TMEM98: variants seen among roughly 807,000 people sequenced by gnomAD.
TMEM98 encodes transmembrane protein 98.
Under a neutral mutation model 25.0 loss-of-function variants are expected in TMEM98, and 18 were observed. That is an observed-to-expected ratio of 0.72 (90% confidence interval 0.50 to 1.07). TMEM98 has a LOEUF of 1.07. Ranked by LOEUF, TMEM98 falls within the 50% of genes least tolerant of loss-of-function variation. The pLI is 0.00. For missense variants in TMEM98, 241 were observed against 289.0 expected (o/e 0.83, Z 1.20); for synonymous variants, 103 against 112.4 (o/e 0.92, Z 0.53).
intron 5 of TMEM98, among the ~76,000 whole-genome samples, chr17:32,935,786 G>A (rs2091492926): frequency 6.6e-6 from 1 of 152,178 alleles, no homozygotes; most frequent in African/African-American, 2.4e-5. Context: ...GAAGAAGGCT[G>A]TAGTCAGTCT....
At chr17:32,940,478 G>A (rs1331275132) in intron 7 of TMEM98, among the ~76,000 whole-genome samples, 7 of 152,170 alleles carry the variant, frequency 4.6e-5, no homozygotes, top group Admixed American at 4.6e-4. Flanking sequence ...GATGTTAATA[G>A]GTGTGCTGCA....
chr17:32,939,632 A>T (rs1598204516), intron 7 of TMEM98, 96 bp downstream of exon 7: 1 of 1,525,054 alleles, frequency 6.6e-7, no homozygotes, highest in African/African-American at 1.4e-5. Flanking sequence ...TTGTGTAGGG[A>T]GGGTGGCTTT....
intron 7 of TMEM98, among the ~76,000 whole-genome samples, chr17:32,940,403 C>CG (rs1338276549): frequency 6.6e-6 from 1 of 152,064 alleles, no homozygotes; most frequent in East Asian, 1.9e-4. Flanking sequence ...CAGTGGGCAG[C>CG]GGTTGGGGAA....
chr17:32,928,910 G>T (rs544823921), intron 1 of TMEM98, among the ~76,000 whole-genome samples: 1 of 143,388 alleles, frequency 7.0e-6, no homozygotes, highest in East Asian at 2.0e-4. Context: ...AGGCACACAA[G>T]ATAAACACTC....
At chr17:32,934,357 G>A in intron 5 of TMEM98, 33 bp downstream of exon 5, 1 of 1,613,598 alleles carries the variant, frequency 6.2e-7, no homozygotes, top group Non-Finnish European at 8.5e-7. Flanking sequence ...TGGGATAAAG[G>A]GTAGTCGAAA....
In TMEM98 at chr17:32,931,658, A is replaced by G. The variant is rs2091470389; in HGVS notation, c.130A>G (p.Lys44Glu). The change falls in exon 3 of 8, where the codon AAG (lysine) becomes GAG (glutamate). Residue 44 changes from lysine to glutamate, a missense_variant and splice_region_variant. Transcript: ENST00000579849. Reference sequence around the variant, plus strand: ...AGACCTGCTGCAGCGCTATGATTCTAAGTGAGTGAGCCTATGGAGGGCAAG... The same window carrying G: ...AGACCTGCTGCAGCGCTATGATTCTGAGTGAGTGAGCCTATGGAGGGCAAG... ...PRDLLQRYDS[K>E]PIVDLIGAME... 2 of 1,605,430 alleles carry G rather than the reference A, an allele frequency of 1.2e-6. No individual in the cohort carries two copies. Among genetic ancestry groups the G allele is most frequent in the Non-Finnish European group, 1.7e-6 (2 of 1,176,824 alleles).
chr17:32,940,335 C>T (rs1188193009), intron 7 of TMEM98, among the ~76,000 whole-genome samples: 1 of 152,098 alleles, frequency 6.6e-6, no homozygotes, highest in African/African-American at 2.4e-5. Context: ...AGCCCTGGGC[C>T]TTACCAATTT....
intron 3 of TMEM98, 136 bp downstream of exon 3, chr17:32,931,795 G>A: frequency 8.6e-7 from 1 of 1,161,684 alleles, no homozygotes; most frequent in East Asian, 2.6e-5. Context: ...GTCCTTCCCT[G>A]TAAAGACCTC....
intron 6 of TMEM98, among the ~76,000 whole-genome samples, chr17:32,936,744 G>A (rs754357415): frequency 6.4e-4 from 98 of 152,110 alleles, no homozygotes; most frequent in Non-Finnish European, 1.2e-3. Flanking sequence ...GCCCGTGGCC[G>A]CCCCTCTTAC....
Position 32,933,311 on chromosome 17 carries a change from G to A in TMEM98, c.263+6G>A, listed in dbSNP as rs373243726. On this transcript the variant is annotated splice_donor_region_variant and intron_variant, in intron 4 of 7. Transcript: ENST00000579849. ...GACTGGATCGAAGATGCCTCGTAAG[G>A]CCATGGGAACTGTTTGCTTCCGGGC... The A allele has an allele frequency of 2.5e-6, 4 of 1,613,920 alleles. No homozygotes were observed. In the African/African-American group the frequency reaches 4.0e-5, roughly 16 times the overall value.
chr17:32,934,017 A>G (rs902466111), intron 4 of TMEM98, among the ~76,000 whole-genome samples: 3 of 152,188 alleles, frequency 2.0e-5, no homozygotes, highest in Non-Finnish European at 4.4e-5. Flanking sequence ...GGAACAGTCT[A>G]CCAGAAGCTT....
At position 32,934,380 on chromosome 17, in the gene TMEM98, C is replaced by T. The variant is rs2091484982; in HGVS notation, c.297+56C>T. The T allele has an allele frequency of 1.4e-5, 23 of 1,595,134 alleles. No homozygotes were observed. The Middle Eastern group carries it at 2.2e-3, about 150-fold the overall frequency. ...AGGGTAGTCGAAAAGCACCACTGTG[C>T]GTGGATGGAGTAGAACGGGACCTTA... On this transcript the variant is annotated intron_variant, in intron 5 of 7. Transcript: ENST00000579849.
At chr17:32,936,023 T>A (rs968993993) in intron 5 of TMEM98, among the ~76,000 whole-genome samples, 1 of 152,176 alleles carries the variant, frequency 6.6e-6, no homozygotes, top group Non-Finnish European at 1.5e-5. Context: ...AGTAGGTTTT[T>A]CCCCTAAGTG....
intron 1 of TMEM98, among the ~76,000 whole-genome samples, chr17:32,928,881 CAG>C (rs1409395143): frequency 5.4e-5 from 8 of 146,798 alleles, no homozygotes; most frequent in African/African-American, 1.9e-4. Context: ...CACACACACT[CAG>C]AAACACACGC....
chr17:32,940,062 G>T (rs543799853), intron 7 of TMEM98, among the ~76,000 whole-genome samples: 1 of 152,128 alleles, frequency 6.6e-6, no homozygotes, highest in African/African-American at 2.4e-5. Flanking sequence ...AGATTCTTTC[G>T]TGCCTTGGAT....
chr17:32,930,910 GC>G (rs2091464733), intron 1 of TMEM98: 2 of 152,144 alleles, frequency 1.3e-5, no homozygotes, highest in South Asian at 4.2e-4. Flanking sequence ...GGTTTAAAAA[GC>G]TATTTTAAGG....
rs751338942 is a variant in TMEM98 at position 32,931,522 on chromosome 17, T to C, written c.-7T>C. The stretch of plus-strand genomic sequence containing the variant: ...GACCGGGACTGAGTCAGGAGCCCTC[T>C]GGAAGCATGGAGACTGTGGTGATTG... On this transcript the variant is annotated 5_prime_UTR_variant, in exon 3 of 8. Transcript: ENST00000579849. The C allele has an allele frequency of 2.5e-6, 4 of 1,604,566 alleles. No homozygotes were observed. The African/African-American group carries it at 5.3e-5, about 21-fold the overall frequency.
At chr17:32,936,561 G>C (rs1019058001) in intron 6 of TMEM98, 114 bp downstream of exon 6, 10 of 843,782 alleles carry the variant, frequency 1.2e-5, no homozygotes, top group Non-Finnish European at 1.5e-5. Flanking sequence ...GGCAACTTCA[G>C]CTATTTGTTT....
intron 1 of TMEM98, among the ~76,000 whole-genome samples, 192 bp downstream of exon 1, chr17:32,928,429 C>T (rs2151109118): frequency 6.6e-6 from 1 of 150,410 alleles, no homozygotes; most frequent in South Asian, 2.1e-4. Context: ...GCCCGTGCGG[C>T]GCGTCCCGGG....
Sources: allele counts gnomAD v4.1 joint callset (sites outside exome capture counted in the v4.1 genomes callset), GRCh38; gene constraint gnomAD v4.1.1; transcripts MANE v1.5; gene names NCBI Gene and HGNC (gene_info 2026-07-23, HGNC 2026-07-21).